PRKG1: variants seen among roughly 807,000 people sequenced by gnomAD.
PRKG1 encodes the protein protein kinase cGMP-dependent 1, also known as cGMP-dependent protein kinase 1.
In PRKG1, 35 loss-of-function variants were observed where a neutral mutation model predicts 88.1. The observed-to-expected ratio is 0.40, with a 90% confidence interval of 0.30 to 0.53. The LOEUF (loss-of-function observed/expected upper bound fraction) is 0.53. Among genes scored for constraint, PRKG1 ranks in the 20% least tolerant of loss-of-function variants. The probability of loss-of-function intolerance (pLI) is 0.59; values close to 1 mark genes in which losing one functional copy is unlikely to be tolerated. For missense variants in PRKG1, 540 were observed against 839.8 expected, an observed-to-expected ratio of 0.64 and a Z score of 4.41; for synonymous variants, 303 against 292.5, an observed-to-expected ratio of 1.04 and a Z score of -0.37.
At chr10:51,648,977 GC>G (rs1839978269) in intron 3 of PRKG1, among the ~76,000 whole-genome samples, 1 of 152,122 alleles carries the variant, frequency 6.6e-6, no homozygotes, top group Non-Finnish European at 1.5e-5. Flanking sequence ...GATGAGGCGG[GC>G]GGAACACGTA....
chr10:51,317,572 G>T (rs971099167), intron 2 of PRKG1, among the ~76,000 whole-genome samples: 2 of 152,152 alleles, frequency 1.3e-5, no homozygotes, highest in African/African-American at 4.8e-5. Flanking sequence ...GAAAGGGAAA[G>T]AAGCAACTAA....
chr10:51,909,836 G>A (rs1428540171), intron 5 of PRKG1: 1 of 152,246 alleles, frequency 6.6e-6, no homozygotes, highest in Non-Finnish European at 1.5e-5. Context: ...GGAGAGAAAT[G>A]GGGTCAACAG....
chr10:51,279,138 G>T (rs1490626605), intron 2 of PRKG1, among the ~76,000 whole-genome samples: 1 of 152,156 alleles, frequency 6.6e-6, no homozygotes, highest in Non-Finnish European at 1.5e-5. Flanking sequence ...GTGCCCCAGA[G>T]ATTCTGGTAT....
chr10:52,029,558 T>C (rs941103914), intron 5 of PRKG1, among the ~76,000 whole-genome samples: 5 of 152,190 alleles, frequency 3.3e-5, no homozygotes, highest in African/African-American at 1.2e-4. Flanking sequence ...GTCGATATAC[T>C]TTACTGGAAA....
At chr10:51,108,681 G>A (rs546214091) in intron 1 of PRKG1, among the ~76,000 whole-genome samples, 3 of 152,084 alleles carry the variant, frequency 2.0e-5, no homozygotes, top group Non-Finnish European at 2.9e-5. Flanking sequence ...CTTAATGGTG[G>A]GCGATTGAAT....
At chr10:52,260,991 A>C (rs1411585966) in intron 10 of PRKG1, among the ~76,000 whole-genome samples, 1 of 151,904 alleles carries the variant, frequency 6.6e-6, no homozygotes, top group Non-Finnish European at 1.5e-5. Context: ...ATTAAAAATA[A>C]GAAATTATAA....
intron 3 of PRKG1, among the ~76,000 whole-genome samples, chr10:51,666,414 T>G (rs1391877027): frequency 6.6e-6 from 1 of 152,180 alleles, no homozygotes; most frequent in Non-Finnish European, 1.5e-5. Flanking sequence ...TTTGTAAGAT[T>G]CTCTAGTGGT....
intron 5 of PRKG1, among the ~76,000 whole-genome samples, chr10:52,004,112 C>G (rs1010226939): frequency 6.6e-6 from 1 of 152,170 alleles, no homozygotes; most frequent in Non-Finnish European, 1.5e-5. Flanking sequence ...GTCATTTCCT[C>G]TAAGTGTTTT....
intron 5 of PRKG1, among the ~76,000 whole-genome samples, chr10:52,004,092 C>CG (rs1844668502): frequency 6.6e-6 from 1 of 152,140 alleles, no homozygotes; most frequent in Non-Finnish European, 1.5e-5. Flanking sequence ...TATTAATTAT[C>CG]TCTACTTTTG....
chr10:52,025,955 G>A (rs1438029219), intron 5 of PRKG1, among the ~76,000 whole-genome samples: 12 of 151,606 alleles, frequency 7.9e-5, no homozygotes, highest in Admixed American at 7.9e-4. Context: ...GCATGATACT[G>A]GTACCAAAAC....
At chr10:51,170,764 TG>T (rs1250538341) in intron 2 of PRKG1, among the ~76,000 whole-genome samples, 2 of 2,884 alleles carry the variant, frequency 6.9e-4, no homozygotes, top group East Asian at 0.019. Context: ...ATTGCAGGGG[TG>T]GGGGGGTGGG....
intron 4 of PRKG1, among the ~76,000 whole-genome samples, chr10:51,881,083 G>T (rs10762460): frequency 0.18 from 27,963 of 151,802 alleles, 3,068 homozygotes; most frequent in East Asian, 0.48. Flanking sequence ...GCATAGTTCA[G>T]GTAAAGAGGG....
chr10:51,584,644 T>G (rs1055248463), intron 3 of PRKG1, among the ~76,000 whole-genome samples: 3 of 152,018 alleles, frequency 2.0e-5, no homozygotes, highest in African/African-American at 7.2e-5. Context: ...CAAAACAAAT[T>G]GTTTCTGAGT....
intron 9 of PRKG1, among the ~76,000 whole-genome samples, chr10:52,233,731 T>C (rs1179978180): frequency 1.4e-5 from 2 of 147,678 alleles, no homozygotes; most frequent in Admixed American, 6.8e-5. Flanking sequence ...GCAGCGAGGC[T>C]GGGGGAGGGG....
chr10:51,392,521 A>G (rs1050292309), intron 2 of PRKG1, among the ~76,000 whole-genome samples: 3 of 152,242 alleles, frequency 2.0e-5, no homozygotes, highest in Admixed American at 6.5e-5. Flanking sequence ...AAAGTCTCCC[A>G]TGTCTACTTC....
chr10:51,069,284 T>C (rs1843792705), intron 1 of PRKG1, among the ~76,000 whole-genome samples: 1 of 152,040 alleles, frequency 6.6e-6, no homozygotes, highest in Non-Finnish European at 1.5e-5. Context: ...CCATTTGAAA[T>C]AGTATAACTT....
intron 2 of PRKG1, among the ~76,000 whole-genome samples, chr10:51,306,207 G>T (rs996785744): frequency 6.6e-6 from 1 of 152,110 alleles, no homozygotes; most frequent in African/African-American, 2.4e-5. Flanking sequence ...CACTGGATAG[G>T]CTTGAGAGTA....
chr10:51,060,118 G>T (rs1218733245), intron 1 of PRKG1, among the ~76,000 whole-genome samples: 1 of 151,892 alleles, frequency 6.6e-6, no homozygotes, highest in Non-Finnish European at 1.5e-5. Flanking sequence ...TTGTAGTAGA[G>T]CTATATCAAC....
At chr10:51,175,037 T>C (rs9415771) in intron 2 of PRKG1, among the ~76,000 whole-genome samples, 9,995 of 152,014 alleles carry the variant, frequency 0.066, 690 homozygotes, top group African/African-American at 0.17. Context: ...TGAATTCCCA[T>C]TCAGTTTAAC....
Sources: gnomAD v4.1 joint callset for allele counts (sites outside exome capture counted in the v4.1 genomes callset) on GRCh38, gnomAD v4.1.1 for gene constraint, MANE v1.5 for transcripts, NCBI Gene and HGNC (gene_info 2026-07-23, HGNC 2026-07-21) for gene names.